Variants in FTCDNL1 observed in about 807,000 individuals in gnomAD.
FTCDNL1 encodes the protein formiminotransferase cyclodeaminase N-terminal like.
Under a neutral mutation model 5.9 loss-of-function variants are expected in FTCDNL1, and 11 were observed. The ratio of observed to expected loss-of-function variants is 1.87; its 90% CI spans 1.18 to 3.10. The LOEUF (loss-of-function observed/expected upper bound fraction) is 3.10. Among genes scored for constraint, FTCDNL1 ranks in the 30% most tolerant of loss-of-function variants. The pLI is 0.00. For synonymous variants in FTCDNL1, 58 were observed against 24.8 expected (o/e 2.34, Z -3.99); for missense variants, 115 against 65.5 (o/e 1.76, Z -2.61).
At chr2:199,761,982 G>A (rs1008931987) in intron 3 of FTCDNL1, among the ~76,000 whole-genome samples, 1 of 151,998 alleles carries the variant, frequency 6.6e-6, no homozygotes, top group African/African-American at 2.4e-5. Context: ...GCTTCCCTAG[G>A]CCACATTGGA....
At chr2:199,839,378 A>G (rs1421175294) in intron 3 of FTCDNL1, among the ~76,000 whole-genome samples, 2 of 152,242 alleles carry the variant, frequency 1.3e-5, no homozygotes, top group Non-Finnish European at 2.9e-5. Context: ...AGGCTGGGAC[A>G]GCAAGTAGAC....
rs575241901 is a variant in FTCDNL1 at position 199,761,180 on chromosome 2, T to C, written c.212-345A>G. 3.9e-5 allele frequency among the ~76,000 whole-genome samples: 6 copies of C among 152,302 alleles called. No individual in the cohort carries two copies. The East Asian group carries it at 1.2e-3, about 29-fold the overall frequency. On this transcript the variant is annotated intron_variant, in intron 3 of 3. Transcript: ENST00000416668. ...CTGCAGGTATCCATGAATATTCTGG[T>C]GTAATGACAGCAACTGGTAAATGAA... is the stretch of plus-strand genomic sequence containing the variant.
intron 3 of FTCDNL1, among the ~76,000 whole-genome samples, chr2:199,767,845 A>C (rs1698608871): frequency 6.6e-6 from 1 of 152,236 alleles, no homozygotes; most frequent in East Asian, 1.9e-4. Context: ...TATATCACCC[A>C]GTCTCAAGTA....
At chr2:199,751,063 C>T in the FTCDNL1 span, among the ~76,000 whole-genome samples, 1,868 of 152,278 alleles carry the variant, frequency 0.012, 38 homozygotes, top group African/African-American at 0.042. Flanking sequence ...TATAACCTTG[C>T]GGACCTGAGA....
intron 3 of FTCDNL1, among the ~76,000 whole-genome samples, chr2:199,831,054 T>C (rs1004360975): frequency 1.3e-5 from 2 of 152,238 alleles, no homozygotes; most frequent in African/African-American, 4.8e-5. Context: ...TACTCCATCA[T>C]GTTTCATTTC....
At chr2:199,697,769 A>C in the FTCDNL1 span, among the ~76,000 whole-genome samples, 2 of 152,226 alleles carry the variant, frequency 1.3e-5, no homozygotes, top group Non-Finnish European at 2.9e-5. Flanking sequence ...GGATCAAATA[A>C]GCACATATCA....
At chr2:199,823,885 C>T (rs1701851662) in intron 3 of FTCDNL1, among the ~76,000 whole-genome samples, 1 of 152,220 alleles carries the variant, frequency 6.6e-6, no homozygotes, top group Non-Finnish European at 1.5e-5. Context: ...GCATTGACTT[C>T]TCTCTAGCTA....
At chr2:199,713,398 C>A in the FTCDNL1 span, among the ~76,000 whole-genome samples, 2 of 152,106 alleles carry the variant, frequency 1.3e-5, no homozygotes, top group Non-Finnish European at 2.9e-5. Context: ...AGCCTGCAAC[C>A]AAGCCCCACA....
intron 3 of FTCDNL1, among the ~76,000 whole-genome samples, chr2:199,766,760 AAGTAC>A (rs1559170047): frequency 6.6e-6 from 1 of 152,144 alleles, no homozygotes; most frequent in Admixed American, 6.5e-5. Flanking sequence ...ATAGTAAAGA[AAGTAC>A]TCTCTATTGA....
chr2:199,809,871 C>G lies in FTCDNL1; in HGVS notation c.*2834G>C, dbSNP rs371830293. Among the ~76,000 whole-genome samples the G allele has an allele frequency of 2.0e-5, 3 of 149,720 alleles. No individual in the cohort carries two copies. The East Asian group carries it at 5.9e-4, about 30-fold the overall frequency. On this transcript the variant is annotated 3_prime_UTR_variant, in exon 5 of 5. Transcript: ENST00000420128. ...GAAAGAGAGATTATATTTTGTAACC[C>G]TCTCATTTTTTAGTCACTTAGTACC... is the stretch of plus-strand genomic sequence containing the variant.
chr2:199,743,036 C>G, the FTCDNL1 span, among the ~76,000 whole-genome samples: 1 of 152,222 alleles, frequency 6.6e-6, no homozygotes, highest in Non-Finnish European at 1.5e-5. Flanking sequence ...GGAGGGCCAG[C>G]TGGAGGCTAA....
the FTCDNL1 span, among the ~76,000 whole-genome samples, chr2:199,732,739 A>C: frequency 6.6e-6 from 1 of 152,232 alleles, no homozygotes; most frequent in Non-Finnish European, 1.5e-5. Context: ...TTAAAAAAGG[A>C]AAAGGTCTCA....
chr2:199,830,290 C>T (rs1042619534), intron 3 of FTCDNL1, among the ~76,000 whole-genome samples: 4 of 151,914 alleles, frequency 2.6e-5, no homozygotes, highest in African/African-American at 7.3e-5. Flanking sequence ...TAAAACTGGC[C>T]GATTAATCTC....
At chr2:199,734,033 T>TA in the FTCDNL1 span, among the ~76,000 whole-genome samples, 4 of 152,184 alleles carry the variant, frequency 2.6e-5, no homozygotes, top group East Asian at 7.7e-4. Context: ...AAAGTTCTGT[T>TA]AATTTATTAT....
chr2:199,839,401 A>G (rs546131701), intron 3 of FTCDNL1, among the ~76,000 whole-genome samples: 39 of 152,372 alleles, frequency 2.6e-4, no homozygotes, highest in Admixed American at 2.0e-4. Context: ...AATTCACCAG[A>G]AAGTGTTATA....
At chr2:199,719,424 A>G in the FTCDNL1 span, among the ~76,000 whole-genome samples, 2 of 152,106 alleles carry the variant, frequency 1.3e-5, no homozygotes, top group African/African-American at 4.8e-5. Flanking sequence ...TTTGGTTACT[A>G]TAGCATTGTA....
At chr2:199,778,174 C>T (rs1378667602) in intron 3 of FTCDNL1, among the ~76,000 whole-genome samples, 2 of 152,150 alleles carry the variant, frequency 1.3e-5, no homozygotes, top group Non-Finnish European at 1.5e-5. Context: ...TCACAACCAG[C>T]AAGCAAAATG....
At chr2:199,815,203 C>G (rs986754517) in intron 4 of FTCDNL1, among the ~76,000 whole-genome samples, 2 of 152,192 alleles carry the variant, frequency 1.3e-5, no homozygotes, top group African/African-American at 4.8e-5. Flanking sequence ...TCCCCACAAG[C>G]TGGCCAACTA....
intron 3 of FTCDNL1, among the ~76,000 whole-genome samples, chr2:199,830,960 T>C (rs1367866784): frequency 6.6e-6 from 1 of 152,252 alleles, no homozygotes; most frequent in Non-Finnish European, 1.5e-5. Context: ...TGACACGTTC[T>C]GTTGCCTGTT....
Sources: allele counts gnomAD v4.1 joint callset (sites outside exome capture counted in the v4.1 genomes callset), GRCh38; gene constraint gnomAD v4.1.1; transcripts MANE v1.5; gene names NCBI Gene and HGNC (gene_info 2026-07-23, HGNC 2026-07-21).